The following ERC2 variants were observed in gnomAD, a reference collection of about 807,000 sequenced individuals.
ERC2 encodes the protein ERC protein 2.
A neutral mutation model predicts 114.8 loss-of-function variants in ERC2; 42 were observed. The ratio of observed to expected loss-of-function variants is 0.37; its 90% CI spans 0.29 to 0.47. The LOEUF (loss-of-function observed/expected upper bound fraction) is 0.47. ERC2 is among the 20% of genes least tolerant of loss of function. ERC2 has a pLI of 0.99. For synonymous variants in ERC2, 454 were observed against 425.5 expected (o/e 1.07, Z -0.82); for missense variants, 939 against 1,150.7 (o/e 0.82, Z 2.66).
At chr3:56,095,894 AT>A (rs939906726) in intron 6 of ERC2, among the ~76,000 whole-genome samples, 8 of 152,174 alleles carry the variant, frequency 5.3e-5, no homozygotes, top group African/African-American at 1.9e-4. Flanking sequence ...ATATTAATAC[AT>A]TGTAGGAAGG....
intron 14 of ERC2, among the ~76,000 whole-genome samples, chr3:55,753,414 G>A (rs1458812616): frequency 1.3e-5 from 2 of 152,170 alleles, no homozygotes; most frequent in East Asian, 3.8e-4. Flanking sequence ...GTTCACAGAA[G>A]ATCCCCCACA....
intron 6 of ERC2, among the ~76,000 whole-genome samples, chr3:56,105,043 A>C (rs140279659): frequency 6.6e-6 from 1 of 152,104 alleles, no homozygotes; most frequent in East Asian, 1.9e-4. Context: ...GAGAGTTTGC[A>C]ATGTGAGGAG....
At chr3:55,568,753 A>G (rs1473573563) in intron 17 of ERC2, among the ~76,000 whole-genome samples, 1 of 152,190 alleles carries the variant, frequency 6.6e-6, no homozygotes, top group Non-Finnish European at 1.5e-5. Context: ...CCAGCTCAGG[A>G]CCAACATCTG....
chr3:56,371,245 A>G (rs898030651), intron 2 of ERC2, among the ~76,000 whole-genome samples: 15 of 152,238 alleles, frequency 9.9e-5, no homozygotes, highest in African/African-American at 3.6e-4. Flanking sequence ...CAGCAGCAAG[A>G]GCCAGGATTT....
chr3:56,230,747 A>C (rs1026853470), intron 3 of ERC2, among the ~76,000 whole-genome samples: 5 of 152,232 alleles, frequency 3.3e-5, no homozygotes, highest in Non-Finnish European at 5.9e-5. Flanking sequence ...TTTTGGAAGC[A>C]TTTTATTGTT....
chr3:56,358,857 A>G (rs2058841648), intron 2 of ERC2, among the ~76,000 whole-genome samples: 1 of 152,262 alleles, frequency 6.6e-6, no homozygotes, highest in South Asian at 2.1e-4. Flanking sequence ...TAAGGATTCA[A>G]TACCTGTAGG....
At chr3:56,326,315 G>A (rs528084050) in intron 2 of ERC2, among the ~76,000 whole-genome samples, 8 of 152,318 alleles carry the variant, frequency 5.3e-5, no homozygotes, top group South Asian at 2.1e-4. Context: ...GAGTAGGGAA[G>A]TCATAGAAAT....
intron 14 of ERC2, among the ~76,000 whole-genome samples, chr3:55,759,706 A>G (rs1242863964): frequency 6.6e-6 from 1 of 152,206 alleles, no homozygotes; most frequent in African/African-American, 2.4e-5. Context: ...CTAGTCTTTC[A>G]AATGAGTCCA....
intron 17 of ERC2, among the ~76,000 whole-genome samples, chr3:55,559,319 C>T (rs1011121959): frequency 2.0e-5 from 3 of 152,238 alleles, no homozygotes; most frequent in African/African-American, 7.2e-5. Flanking sequence ...GAGAAGAAAG[C>T]ACCCAAAGTG....
chr3:55,718,762 C>A (rs1038033994), intron 15 of ERC2, among the ~76,000 whole-genome samples: 12 of 152,206 alleles, frequency 7.9e-5, no homozygotes, highest in African/African-American at 2.9e-4. Context: ...AGAGAGAAAT[C>A]TTAGGTTTCT....
intron 3 of ERC2, among the ~76,000 whole-genome samples, chr3:56,228,657 T>G (rs1462825716): frequency 6.6e-6 from 1 of 152,260 alleles, no homozygotes; most frequent in Non-Finnish European, 1.5e-5. Context: ...ATTGCTGCTA[T>G]GCACATGGTG....
intron 6 of ERC2, among the ~76,000 whole-genome samples, chr3:56,087,059 C>A (rs2077541433): frequency 6.6e-6 from 1 of 151,922 alleles, no homozygotes; most frequent in Non-Finnish European, 1.5e-5. Flanking sequence ...GCACAAAGAC[C>A]CAGAAGGTTG....
chr3:55,536,561 C>T (rs1232863286), intron 17 of ERC2, among the ~76,000 whole-genome samples: 1 of 152,094 alleles, frequency 6.6e-6, no homozygotes, highest in African/African-American at 2.4e-5. Flanking sequence ...CTTGCAGGAC[C>T]CAAGTTTGTT....
At chr3:56,040,886 T>G (rs1266115710) in intron 7 of ERC2, among the ~76,000 whole-genome samples, 1 of 151,456 alleles carries the variant, frequency 6.6e-6, no homozygotes, top group East Asian at 2.0e-4. Context: ...GTTGTTCAGA[T>G]TAAGTCCTAT....
chr3:55,995,921 G>A lies in ERC2; in HGVS notation c.2062-3671C>T, dbSNP rs941417095. Among the ~76,000 whole-genome samples, 3 of 152,106 alleles carry A rather than the reference G, an allele frequency of 2.0e-5. No homozygotes were observed. The East Asian group carries it at 5.8e-4, about 29-fold the overall frequency. On this transcript the variant is annotated intron_variant, in intron 10 of 17. Transcript: ENST00000288221. ...TTCCTCCAAAAATGGAATGAAATAA[G>A]CACTTTATTTGTATTTAGGCAATAT...
intron 2 of ERC2, among the ~76,000 whole-genome samples, chr3:56,370,592 TTTG>T (rs1164254125): frequency 2.1e-5 from 3 of 143,296 alleles, no homozygotes; most frequent in Non-Finnish European, 3.0e-5. Context: ...TGGGGGTTTT[TTTG>T]TTTTTTTTTT....
At position 56,018,901 on chromosome 3, in the gene ERC2, G is replaced by A; in HGVS notation, c.1772C>T (p.Ser591Leu). ...TTTTGAGTGCATGCTCACCTTCTCT[G>A]ACAGAGCTTCCTCTAGCGTCGCCAG... ...TALATLEEAL[S>L]EKERIIERLK... Residue 591 changes from serine (S) to leucine (L), a missense_variant, in exon 8 of 18, where the codon TCA becomes TTA. Transcript: ENST00000288221. The A allele has an allele frequency of 6.2e-7, 1 of 1,611,340 alleles. No individual in the cohort carries two copies. Among genetic ancestry groups the A allele is most frequent in the Non-Finnish European group, 8.5e-7 (1 of 1,178,950 alleles).
intron 7 of ERC2, among the ~76,000 whole-genome samples, chr3:56,069,670 C>T (rs1175478588): frequency 6.6e-6 from 1 of 152,144 alleles, no homozygotes; most frequent in African/African-American, 2.4e-5. Flanking sequence ...TACCACAGTA[C>T]TTTTGTTAGA....
chr3:55,967,993 A>G (rs2068873629), intron 12 of ERC2, among the ~76,000 whole-genome samples: 1 of 152,158 alleles, frequency 6.6e-6, no homozygotes, highest in Non-Finnish European at 1.5e-5. Flanking sequence ...GTTCAGTATA[A>G]ATTACCCAGT....
Sources: allele counts gnomAD v4.1 joint callset (sites outside exome capture counted in the v4.1 genomes callset), GRCh38; gene constraint gnomAD v4.1.1; transcripts MANE v1.5; gene names NCBI Gene and HGNC (gene_info 2026-07-23, HGNC 2026-07-21).